Variants in ZFR2 observed in about 807,000 individuals in gnomAD.
ZFR2 encodes zinc finger RNA binding protein 2.
In ZFR2, 104 loss-of-function variants were observed where a neutral mutation model predicts 105.7. The ratio of observed to expected loss-of-function variants is 0.98; its 90% confidence interval spans 0.84 to 1.16. The LOEUF is 1.16. ZFR2 is among the 50% of genes most tolerant of loss of function. The pLI is 0.00. For missense variants in ZFR2, 1,425 were observed against 1,355.5 expected, an observed-to-expected ratio of 1.05 and a Z score of -0.80; for synonymous variants, 634 against 597.7, an observed-to-expected ratio of 1.06 and a Z score of -0.89.
Position 3,804,890 on chromosome 19 carries a change from G to C in ZFR2, c.*1059C>G, listed in dbSNP as rs868044660. 2 of 151,768 alleles carry C rather than the reference G, an allele frequency of 1.3e-5. No homozygotes were observed. Among genetic ancestry groups the C allele is most frequent in the East Asian group, 1.9e-4 (1 of 5,216 alleles). The allele number at this position is 151,768 out of a possible 1,614,324, so 9.4% of individuals were successfully genotyped here. On this transcript the variant is annotated 3_prime_UTR_variant, in exon 19 of 19. Transcript: ENST00000262961. Reference sequence around the variant, plus strand: ...TGTTTGTTTGTTTGTTTGTTTGTTTGTTTCTTTGAGACAGGGTCTCGCTCT... The same window carrying C: ...TGTTTGTTTGTTTGTTTGTTTGTTTCTTTCTTTGAGACAGGGTCTCGCTCT...
chr19:3,854,759 CATT>C (rs906331797), intron 1 of ZFR2, among the ~76,000 whole-genome samples: 3 of 152,232 alleles, frequency 2.0e-5, no homozygotes, highest in Admixed American at 6.5e-5. Flanking sequence ...TAAACTACAT[CATT>C]AAGAGGTTTT....
chr19:3,838,029 A>C lies in ZFR2; in HGVS notation c.54-3046T>G. Among the ~76,000 whole-genome samples the C allele has an allele frequency of 6.6e-6, 1 of 150,922 alleles. No homozygotes were observed. The highest frequency in any genetic ancestry group is 1.5e-5 in the Non-Finnish European group (1 of 67,788). On this transcript the variant is annotated intron_variant, in intron 1 of 18. Coordinates refer to ENST00000262961, the MANE Select transcript of ZFR2 (RefSeq NM_015174.2). The surrounding 1 kb of genome is among the most constrained non-coding windows in gnomAD (Gnocchi z 4.9). ...ACTGTGACACTTGATGAACACCGTGACTGTGACACACGATGAACACCATGA... is the reference window on the plus strand; with the variant it reads ...ACTGTGACACTTGATGAACACCGTGCCTGTGACACACGATGAACACCATGA...
chr19:3,831,753 G>A lies in ZFR2; in HGVS notation c.505C>T (p.Pro169Ser), dbSNP rs775255608. 1.4e-5 allele frequency: 23 copies of A among 1,609,376 alleles called. No homozygotes were observed. The highest frequency in any genetic ancestry group is 2.0e-5 in the Non-Finnish European group (23 of 1,178,396). ...ASTLSSGYTY[P>S]TATGVQPESS... ...TCGGGCTGGACGCCTGTCGCCGTGG[G>A]GTAGGTGTATCCCGAGGACAAGGTG... Residue 169 changes from proline to serine, a missense_variant, in exon 4 of 19, where the codon CCC becomes TCC. Physicochemically the swap from Pro to Ser is moderately conservative, Grantham distance 74 (BLOSUM62 -1). Transcript: ENST00000262961.
intron 1 of ZFR2, among the ~76,000 whole-genome samples, chr19:3,860,673 A>G (rs2038363061): frequency 1.3e-5 from 2 of 152,136 alleles, no homozygotes; most frequent in Admixed American, 1.3e-4. Context: ...CACGCTAGAG[A>G]AGGCATTAGC....
At chr19:3,852,529 C>A in intron 1 of ZFR2, 1 of 718,582 alleles carries the variant, frequency 1.4e-6, no homozygotes. Context: ...GCAGTCACAG[C>A]GTCACTTCCA....
At chr19:3,827,014 G>A (rs1272030638) in intron 6 of ZFR2, among the ~76,000 whole-genome samples, 1 of 152,060 alleles carries the variant, frequency 6.6e-6, no homozygotes, top group African/African-American at 2.4e-5. Flanking sequence ...GGCTGAGGCG[G>A]GCAGATCACT....
intron 5 of ZFR2, among the ~76,000 whole-genome samples, chr19:3,828,911 G>A (rs1279816227): frequency 2.0e-5 from 3 of 152,036 alleles, no homozygotes; most frequent in Admixed American, 1.3e-4. Flanking sequence ...AAAATAGGAC[G>A]TGGGAGAGGC....
chr19:3,864,391 A>C (rs2038407349), intron 1 of ZFR2, among the ~76,000 whole-genome samples: 1 of 152,042 alleles, frequency 6.6e-6, no homozygotes, highest in African/African-American at 2.4e-5. Context: ...CAAACAAACA[A>C]ACAAACAAAC....
At chr19:3,854,095 T>G in intron 1 of ZFR2, among the ~76,000 whole-genome samples, 1 of 148,508 alleles carries the variant, frequency 6.7e-6, no homozygotes, top group Admixed American at 6.7e-5. Flanking sequence ...AAAAAACCAC[T>G]GTGCCCTGAC....
intron 1 of ZFR2, among the ~76,000 whole-genome samples, chr19:3,865,638 A>G: frequency 6.6e-6 from 1 of 152,128 alleles, no homozygotes; most frequent in Non-Finnish European, 1.5e-5. Context: ...AGCGACAGGC[A>G]TGAGCCACCA....
chr19:3,813,028 T>C lies in ZFR2; in HGVS notation c.2242+792A>G, dbSNP rs1259520440. ...CCAGGCGGCGGAAGTTGCAGTGAGC[T>C]GAGATTGCGCCATTGCACTCCAGCC... On this transcript the variant is annotated intron_variant, in intron 14 of 18. Transcript: ENST00000262961. The surrounding 1 kb of genome is among the most constrained non-coding windows in gnomAD (Gnocchi z 4.4). Among the ~76,000 whole-genome samples, 2 of 152,120 alleles carry C rather than the reference T, an allele frequency of 1.3e-5. No individual in the cohort carries two copies. The highest frequency in any genetic ancestry group is 6.5e-5 in the Admixed American group (1 of 15,274).
chr19:3,831,862 G>C lies in ZFR2; in HGVS notation c.396C>G (p.Cys132Trp). ...DSGQPGTQEACGQPSPHGSHS... is the reference protein window; with the variant it reads ...DSGQPGTQEAWGQPSPHGSHS... ...GACTGCCATGGGGGCTGGGCTGCCC[G>C]CAGGCTTCTTGGGTCCCTAGGGGAC... Residue 132 changes from cysteine (C) to tryptophan (W), a missense_variant, in exon 4 of 19, where the codon TGC becomes TGG. By Grantham distance (215) the Cys-to-Trp change is radical. Transcript: ENST00000262961. The C allele has an allele frequency of 6.3e-7, 1 of 1,585,146 alleles. No homozygotes were observed. The highest frequency in any genetic ancestry group is 8.6e-7 in the Non-Finnish European group (1 of 1,169,242).
In ZFR2 at chr19:3,820,271, G is replaced by A. The variant is rs1215453956; in HGVS notation, c.1651C>T (p.Pro551Ser). Residue 551 changes from proline (P) to serine (S), a missense_variant, in exon 11 of 19, where the codon CCC (proline) becomes TCC (serine). Physicochemically the swap from Pro to Ser is moderately conservative, Grantham distance 74. Transcript: ENST00000262961. ...GGCGCGTGGGGCGGCACGTCCTGGGGTGGCTCCTCCTCCAGCCGCCTGCAG... is the reference window on the plus strand; with the variant it reads ...GGCGCGTGGGGCGGCACGTCCTGGGATGGCTCCTCCTCCAGCCGCCTGCAG... ...AERRRLEEEP[P>S]QDVPPHAPPD... 3 of 1,546,372 alleles carry A rather than the reference G, an allele frequency of 1.9e-6. No individual in the cohort carries two copies. In the Admixed American group the frequency reaches 6.0e-5, roughly 31 times the overall value.
At chr19:3,824,519 C>T (rs1037793697) in intron 7 of ZFR2, among the ~76,000 whole-genome samples, 10 of 152,090 alleles carry the variant, frequency 6.6e-5, no homozygotes, top group African/African-American at 2.2e-4. Flanking sequence ...GATTCTGAGC[C>T]CAATTTGTTC....
Position 3,806,127 on chromosome 19 carries a change from TGCGG to T in ZFR2, c.2644-6_2644-3del. On this transcript the variant is annotated splice_polypyrimidine_tract_variant and splice_region_variant and intron_variant, in intron 18 of 18. Transcript: ENST00000262961. ...GAAGGCCAGCATTCGCAGGGCGTGC[TGCGG>T]GGCACACACAGCCTGTCAGGACCCC... is the stretch of plus-strand genomic sequence containing the variant. The T allele has an allele frequency of 6.9e-7, 1 of 1,441,004 alleles. No homozygotes were observed. The highest frequency in any genetic ancestry group is 9.1e-7 in the Non-Finnish European group (1 of 1,097,248). The allele number at this position is 1,441,004 out of a possible 1,614,324, so 89.3% of individuals were successfully genotyped here. A position where few individuals can be genotyped will look rare whatever the true frequency, so the allele number is the denominator to read the frequency against.
intron 9 of ZFR2, among the ~76,000 whole-genome samples, chr19:3,821,744 G>T (rs2037896088): frequency 6.6e-6 from 1 of 151,240 alleles, no homozygotes; most frequent in Non-Finnish European, 1.5e-5. Context: ...CTCCCGAGTA[G>T]CTGGGATTAC....
At chr19:3,850,900 CAAAAAAAAAAA>C (rs59933286) in intron 1 of ZFR2, among the ~76,000 whole-genome samples, 9 of 92,490 alleles carry the variant, frequency 9.7e-5, no homozygotes, top group Admixed American at 2.1e-4. Flanking sequence ...GCAGTCTTTT[CAAAAAAAAAAA>C]AAAAAAAAAA....
chr19:3,819,292 T>A, intron 11 of ZFR2, 57 bp from the exon 12 acceptor site: 1 of 1,400,266 alleles, frequency 7.1e-7, no homozygotes, highest in Non-Finnish European at 9.2e-7. Flanking sequence ...TGGGGAGTGC[T>A]GGGCAGGCGG....
intron 6 of ZFR2, among the ~76,000 whole-genome samples, chr19:3,825,769 C>T (rs1009027585): frequency 1.3e-5 from 2 of 152,080 alleles, no homozygotes; most frequent in East Asian, 1.9e-4. Flanking sequence ...CCTGACTGCC[C>T]GGGACTCAGC....
Sources: gnomAD v4.1 joint callset for allele counts (sites outside exome capture counted in the v4.1 genomes callset) on GRCh38, gnomAD v4.1.1 for gene constraint, Gnocchi (gnomAD v3.1) non-coding constraint, MANE v1.5 for transcripts, NCBI Gene and HGNC (gene_info 2026-07-23, HGNC 2026-07-21) for gene names.